The following DBH variants were observed in gnomAD, a reference collection of about 807,000 sequenced individuals.
DBH encodes dopamine beta-hydroxylase (dopamine beta-monooxygenase).
Under a neutral mutation model 64.0 loss-of-function variants are expected in DBH, and 49 were observed. The observed-to-expected ratio is 0.77, with a 90% CI of 0.61 to 0.97. The LOEUF is 0.97. Ranked by LOEUF, DBH falls within the 50% of genes least tolerant of loss-of-function variation. DBH has a pLI of 0.00. For missense variants in DBH, 828 were observed against 826.6 expected (o/e 1.00, Z -0.02); for synonymous variants, 343 against 347.1 (o/e 0.99, Z 0.13).
Position 133,658,530 on chromosome 9 carries a change from C to T in DBH, c.*83C>T, listed in dbSNP as rs995071551. On this transcript the variant is annotated 3_prime_UTR_variant, in exon 12 of 12. Coordinates refer to ENST00000393056, the MANE Select transcript of DBH (RefSeq NM_000787.4). ...GTGCACTCTACTCTGCGACGATCCC[C>T]ATGGAACAGCCCTGCACGCCCAGGA... 3.3e-5 allele frequency: 47 copies of T among 1,432,408 alleles called. No individual in the cohort carries two copies. In the African/African-American group the frequency reaches 5.9e-4, roughly 18 times the overall value. The allele number at this position is 1,432,408 out of a possible 1,614,324, so 88.7% of individuals were successfully genotyped here. A position where few individuals can be genotyped will look rare whatever the true frequency, so the allele number is the denominator to read the frequency against.
intron 7 of DBH, among the ~76,000 whole-genome samples, chr9:133,652,008 C>T (rs769452974): frequency 1.8e-4 from 27 of 152,180 alleles, no homozygotes; most frequent in Non-Finnish European, 3.2e-4. Flanking sequence ...TCGGGAGACC[C>T]AGGCGGCCCT....
rs111514228 is a variant in DBH at position 133,636,387 on chromosome 9, C to T, written c.16C>T (p.Arg6Cys). 22 of 1,610,010 alleles carry T rather than the reference C, an allele frequency of 1.4e-5. No individual in the cohort carries two copies. The highest frequency in any genetic ancestry group is 2.2e-5 in the East Asian group (1 of 44,888). The change falls in exon 1 of 12, where the codon CGC becomes TGC. Residue 6 changes from arginine to cysteine, a missense_variant. Physicochemically the swap from Arg to Cys is radical, Grantham distance 180. Coordinates refer to ENST00000393056, the MANE Select transcript of DBH (RefSeq NM_000787.4). MPALS[R>C]WASLPGPSMR... ...CACCCCAGCCATGCCCGCCCTCAGT[C>T]GCTGGGCCAGCCTGCCCGGCCCCAG...
In DBH at chr9:133,651,194, C is replaced by G. The variant is rs545256742; in HGVS notation, c.1192-440C>G. Among the ~76,000 whole-genome samples the G allele has an allele frequency of 4.6e-5, 7 of 152,266 alleles. No homozygotes were observed. The East Asian group carries it at 1.3e-3, about 29-fold the overall frequency. On this transcript the variant is annotated intron_variant, in intron 6 of 11. Coordinates refer to ENST00000393056, the MANE Select transcript of DBH (RefSeq NM_000787.4). Reference sequence around the variant, plus strand: ...CCTGCTCGGCCCACCACGTAGGGGACCTGCCAAGTACCACCTTCTGCCACT... The same window carrying G: ...CCTGCTCGGCCCACCACGTAGGGGAGCTGCCAAGTACCACCTTCTGCCACT...
At chr9:133,658,195 C>A in intron 11 of DBH, 121 bp from the exon 12 acceptor site, 1 of 1,351,386 alleles carries the variant, frequency 7.4e-7, no homozygotes, top group Non-Finnish European at 1.0e-6. Flanking sequence ...AGAGTGAGTT[C>A]AGTTTGAGAC....
At chr9:133,644,143 G>A (rs1832154091) in intron 4 of DBH, 75 bp from the exon 5 acceptor site, 4 of 1,106,456 alleles carry the variant, frequency 3.6e-6, no homozygotes, top group Non-Finnish European at 5.6e-6. Flanking sequence ...CCCAACAGTT[G>A]ACTGGGTTTG....
rs773664185 is a variant in DBH at position 133,652,267 on chromosome 9, G to T, written c.1357G>T (p.Val453Phe). 9.3e-6 allele frequency: 15 copies of T among 1,613,620 alleles called. No homozygotes were observed. Among genetic ancestry groups the T allele is most frequent in the African/African-American group, 4.0e-5 (3 of 74,918 alleles). The stretch of plus-strand genomic sequence containing the variant: ...CCAGGAGATCCGCATGTTGAAGAAG[G>T]TCGTGTCGGTCCATCCGGTGAGTGC... ...HFQEIRMLKK[V>F]VSVHPGDVLI... Residue 453 changes from valine to phenylalanine, a missense_variant, in exon 8 of 12, where the codon GTC becomes TTC. Transcript: ENST00000393056.
At chr9:133,645,772 G>C (rs2797855) in intron 5 of DBH, among the ~76,000 whole-genome samples, 46,374 of 152,042 alleles carry the variant, frequency 0.31, 8,098 homozygotes, top group Non-Finnish European at 0.42. Flanking sequence ...ACAGCCCTGG[G>C]TTTGAACCTC....
chr9:133,641,204 C>G (rs781754198), intron 2 of DBH, among the ~76,000 whole-genome samples: 51 of 152,238 alleles, frequency 3.4e-4, no homozygotes, highest in Non-Finnish European at 6.5e-4. Flanking sequence ...GAAAACAGAA[C>G]AGCTGGCTGT....
intron 5 of DBH, among the ~76,000 whole-genome samples, chr9:133,647,511 T>C (rs1832195839): frequency 1.3e-5 from 2 of 152,234 alleles, no homozygotes; most frequent in South Asian, 4.1e-4. Flanking sequence ...ATCAGCAGCA[T>C]CTCACCCGCA....
chr9:133,642,804 C>T (rs1459614240), intron 3 of DBH, among the ~76,000 whole-genome samples: 1 of 152,242 alleles, frequency 6.6e-6, no homozygotes, highest in African/African-American at 2.4e-5. Context: ...CGAGTCAGAA[C>T]TCACTTGCTC....
intron 8 of DBH, 66 bp from the exon 9 acceptor site, chr9:133,652,874 G>A: frequency 8.6e-7 from 1 of 1,167,674 alleles, no homozygotes; most frequent in Admixed American, 1.7e-5. Flanking sequence ...TCCTATGGGG[G>A]CGAGGCCTCC....
At chr9:133,639,306 T>C (rs1314554608) in intron 1 of DBH, among the ~76,000 whole-genome samples, 1 of 152,124 alleles carries the variant, frequency 6.6e-6, no homozygotes, top group Non-Finnish European at 1.5e-5. Flanking sequence ...GTTGTGCCAG[T>C]GCAGGGTGGG....
At chr9:133,645,474 G>A (rs140776905) in intron 5 of DBH, among the ~76,000 whole-genome samples, 162 of 152,264 alleles carry the variant, frequency 1.1e-3, no homozygotes, top group African/African-American at 3.7e-3. Flanking sequence ...ATATAAGGAC[G>A]CTCCTGTCAC....
intron 6 of DBH, among the ~76,000 whole-genome samples, chr9:133,651,365 G>A (rs1832246042): frequency 1.3e-5 from 2 of 151,646 alleles, no homozygotes; most frequent in South Asian, 4.1e-4. Flanking sequence ...AGGGGCTCAG[G>A]AGAGGATGAA....
chr9:133,640,300 G>A (rs1362251653), intron 2 of DBH, among the ~76,000 whole-genome samples: 2 of 152,208 alleles, frequency 1.3e-5, no homozygotes, highest in Admixed American at 1.3e-4. Flanking sequence ...CCTTGCTTCT[G>A]GATGTCTCTC....
chr9:133,651,163 G>A (rs567954098), intron 6 of DBH, among the ~76,000 whole-genome samples: 5 of 152,262 alleles, frequency 3.3e-5, no homozygotes, highest in Non-Finnish European at 7.3e-5. Context: ...CAGGGCAGCT[G>A]AAGGTCCTGC....
At chr9:133,640,061 G>A (rs1832100799) in intron 2 of DBH, 69 bp downstream of exon 2, 10 of 1,586,340 alleles carry the variant, frequency 6.3e-6, no homozygotes, top group South Asian at 1.1e-5. Flanking sequence ...CTGTGCCAAT[G>A]TCATAGTACC....
At chr9:133,639,068 A>T (rs1832085852) in intron 1 of DBH, among the ~76,000 whole-genome samples, 1 of 152,036 alleles carries the variant, frequency 6.6e-6, no homozygotes, top group Admixed American at 6.5e-5. Context: ...GACTAAGGTG[A>T]GGGGAACAAT....
rs1832261663 is a variant in DBH, at chr9:133,652,358, C to G, written c.1374+74C>G. ...TGGCTGAGAGGGCTGGGGGTGCCAC[C>G]AGAAGGAGAGGGACACAGAAAGTGA... On this transcript the variant is annotated intron_variant, in intron 8 of 11. Coordinates refer to ENST00000393056, the MANE Select transcript of DBH (RefSeq NM_000787.4). 1.9e-6 allele frequency: 3 copies of G among 1,550,856 alleles called. No homozygotes were observed. The Admixed American group carries it at 5.0e-5, about 26-fold the overall frequency.
Sources: allele counts gnomAD v4.1 joint callset (sites outside exome capture counted in the v4.1 genomes callset), GRCh38; gene constraint gnomAD v4.1.1; transcripts MANE v1.5; gene names NCBI Gene and HGNC (gene_info 2026-07-23, HGNC 2026-07-21).